The following FLNB variants were observed in gnomAD, a reference collection of about 807,000 sequenced individuals.
FLNB encodes filamin-B.
FLNB carries 111 observed loss-of-function variants against 250.6 expected under a neutral mutation model. That is an observed-to-expected ratio of 0.44 (90% CI 0.38 to 0.52). The LOEUF (loss-of-function observed/expected upper bound fraction) is 0.52, where lower values mean the gene tolerates loss of function less well. Among genes scored for constraint, FLNB ranks in the 20% least tolerant of loss-of-function variants. The probability of loss-of-function intolerance (pLI) is 0.00; values close to 1 mark genes in which losing one functional copy is unlikely to be tolerated. For missense variants in FLNB, 2,869 were observed against 3,447.8 expected (o/e 0.83, Z 4.20); for synonymous variants, 1,302 against 1,372.1 (o/e 0.95, Z 1.13).
intron 1 of FLNB, among the ~76,000 whole-genome samples, chr3:58,025,118 C>CTTCT (rs1281184715): frequency 2.6e-5 from 2 of 76,478 alleles, no homozygotes; most frequent in Admixed American, 1.6e-4. Flanking sequence ...TTTTTCTTTT[C>CTTCT]TTCTTTCTTT....
chr3:58,087,921 G>T (rs1480666543), intron 4 of FLNB, among the ~76,000 whole-genome samples: 1 of 151,596 alleles, frequency 6.6e-6, no homozygotes, highest in Non-Finnish European at 1.5e-5. Flanking sequence ...TGTATTTTTA[G>T]TAGAGACAAG....
chr3:58,120,539 T>TAA (rs2097286959), intron 19 of FLNB, among the ~76,000 whole-genome samples: 1 of 152,238 alleles, frequency 6.6e-6, no homozygotes, highest in Non-Finnish European at 1.5e-5. Flanking sequence ...CACTTGGGCT[T>TAA]CCTGCAGCCC....
Position 58,143,589 on chromosome 3 carries a change from A to G in FLNB, c.5401A>G (p.Lys1801Glu). ...TEVGLHEMHI[K>E]YMGSHIPESP... ...GGTCGGGCTCCATGAGATGCACATC[A>G]AATACATGGGCAGCCACATCCCTGG... is the stretch of plus-strand genomic sequence containing the variant. Residue 1801 changes from lysine to glutamate, a missense_variant, in exon 32 of 46, where the codon AAA (lysine) becomes GAA (glutamate). This residue lies in a region of FLNB where 1,084 missense variants were observed against 1,315.5 expected (regional missense o/e 0.82). Coordinates refer to ENST00000295956, the MANE Select transcript of FLNB (RefSeq NM_001457.4). 1 of 1,614,140 alleles carries G rather than the reference A, an allele frequency of 6.2e-7. No homozygotes were observed. The highest frequency in any genetic ancestry group is 1.1e-5 in the South Asian group (1 of 91,084).
At chr3:58,085,762 A>G (rs1459791902) in intron 4 of FLNB, among the ~76,000 whole-genome samples, 1 of 152,172 alleles carries the variant, frequency 6.6e-6, no homozygotes, top group Non-Finnish European at 1.5e-5. Flanking sequence ...GCACCCTTCT[A>G]TCTGAGTAAT....
chr3:58,112,987 C>A (rs911182849), intron 18 of FLNB, among the ~76,000 whole-genome samples: 63 of 152,082 alleles, frequency 4.1e-4, no homozygotes, highest in African/African-American at 1.4e-3. Context: ...CCTCTCTGTA[C>A]AAGTTAATGT....
intron 1 of FLNB, among the ~76,000 whole-genome samples, chr3:58,043,928 G>T (rs1449983629): frequency 6.6e-6 from 1 of 152,198 alleles, no homozygotes; most frequent in Admixed American, 6.5e-5. Flanking sequence ...GCCTCAGGAA[G>T]ACTTGAAACC....
intron 1 of FLNB, among the ~76,000 whole-genome samples, chr3:58,019,654 A>C (rs554336752): frequency 3.7e-4 from 56 of 150,836 alleles, no homozygotes; most frequent in African/African-American, 1.3e-3. Context: ...GGTGTAGAAG[A>C]GACTGTTTTC....
At chr3:58,144,005 G>A (rs1479752661) in intron 32 of FLNB, among the ~76,000 whole-genome samples, 2 of 152,120 alleles carry the variant, frequency 1.3e-5, no homozygotes, top group African/African-American at 4.8e-5. Context: ...AGCAGCCCTG[G>A]AAGAAGAGGA....
intron 41 of FLNB, among the ~76,000 whole-genome samples, chr3:58,157,938 G>A (rs951180637): frequency 7.2e-5 from 11 of 152,320 alleles, no homozygotes; most frequent in African/African-American, 2.6e-4. Context: ...CATCAGCATC[G>A]CCCCCTGTTC....
In FLNB at chr3:58,142,431, G is replaced by T. The variant is rs1190799963; in HGVS notation, c.5182-219G>T. ...CTGGGAATTTTACAAACAGACTCCC[G>T]AGTGATTGCTAACAGTTGGTCAGCA... On this transcript the variant is annotated intron_variant, in intron 30 of 45. Transcript: ENST00000295956. This position sits in a 1 kb window ranked among gnomAD's most constrained non-coding sequence, Gnocchi z 4.3. Among the ~76,000 whole-genome samples the T allele has an allele frequency of 6.6e-6, 1 of 152,136 alleles. No individual in the cohort carries two copies. The highest frequency in any genetic ancestry group is 1.5e-5 in the Non-Finnish European group (1 of 68,028).
chr3:58,021,713 T>TG (rs922930927), intron 1 of FLNB, among the ~76,000 whole-genome samples: 7 of 152,136 alleles, frequency 4.6e-5, no homozygotes, highest in Non-Finnish European at 8.8e-5. Flanking sequence ...CTGACATCCA[T>TG]GGGGAGTCAC....
chr3:58,129,556 TTG>T (rs1379140356), intron 24 of FLNB, among the ~76,000 whole-genome samples: 10 of 152,166 alleles, frequency 6.6e-5, no homozygotes, highest in African/African-American at 2.2e-4. Context: ...AGGCCTGTGC[TTG>T]TTTGCCAGGG....
intron 1 of FLNB, among the ~76,000 whole-genome samples, chr3:58,035,085 C>T (rs2097136171): frequency 6.6e-6 from 1 of 152,152 alleles, no homozygotes; most frequent in Non-Finnish European, 1.5e-5. Flanking sequence ...AGGTGTTTCA[C>T]GTGGCTTCCT....
intron 1 of FLNB, among the ~76,000 whole-genome samples, chr3:58,072,326 C>T (rs1414384671): frequency 2.0e-5 from 3 of 151,994 alleles, no homozygotes; most frequent in African/African-American, 4.8e-5. Context: ...ACCTGGTAGG[C>T]GTTGGTTTAT....
At chr3:58,056,337 G>T (rs961115898) in intron 1 of FLNB, among the ~76,000 whole-genome samples, 1 of 151,332 alleles carries the variant, frequency 6.6e-6, no homozygotes, top group Non-Finnish European at 1.5e-5. Flanking sequence ...TCCTGACCTT[G>T]TGATCTGCCT....
At chr3:58,056,247 G>A (rs1477001621) in intron 1 of FLNB, among the ~76,000 whole-genome samples, 3 of 151,250 alleles carry the variant, frequency 2.0e-5, no homozygotes, top group South Asian at 2.1e-4. Context: ...GATTACAGGC[G>A]CCCACCACCA....
Position 58,154,823 on chromosome 3 carries a change from G to A in FLNB, c.6667G>A (p.Ala2223Thr), listed in dbSNP as rs750450803. ...CAGCATTTGGACCCGGGAAGCAGGC[G>A]CTGGAGGCCTCTCCATCGCTGTTGA... The part of the protein sequence containing the change: ...EFSIWTREAG[A>T]GGLSIAVEGP... The change falls in exon 40 of 46, where the codon GCT becomes ACT. Residue 2223 changes from alanine (A) to threonine (T), a missense_variant. This residue lies in a region of FLNB where 1,084 missense variants were observed against 1,315.5 expected (regional missense o/e 0.82). Transcript: ENST00000295956. The A allele has an allele frequency of 3.0e-5, 49 of 1,613,966 alleles. No homozygotes were observed. The highest frequency in any genetic ancestry group is 1.1e-4 in the South Asian group (10 of 91,082).
At chr3:58,124,617 C>A in intron 22 of FLNB, 112 bp downstream of exon 22, 1 of 1,139,230 alleles carries the variant, frequency 8.8e-7, no homozygotes, top group Non-Finnish European at 1.3e-6. Context: ...CTCAGCAGGG[C>A]CACGTGCAGA....
At chr3:58,022,824 T>G (rs1307463793) in intron 1 of FLNB, among the ~76,000 whole-genome samples, 1 of 147,742 alleles carries the variant, frequency 6.8e-6, no homozygotes, top group Non-Finnish European at 1.5e-5. Context: ...ATTTGCTTCT[T>G]TTTTTTTTTT....
Sources: allele counts gnomAD v4.1 joint callset (sites outside exome capture counted in the v4.1 genomes callset), GRCh38; gene constraint gnomAD v4.1.1; regional missense constraint gnomAD v4.1.1; non-coding constraint Gnocchi (gnomAD v3.1); transcripts MANE v1.5; gene names NCBI Gene and HGNC (gene_info 2026-07-23, HGNC 2026-07-21).